The following PRPSAP2 variants were observed in gnomAD, a reference collection of about 807,000 sequenced individuals.
PRPSAP2 encodes the protein phosphoribosyl pyrophosphate synthase-associated protein 2.
Under a neutral mutation model 40.6 loss-of-function variants are expected in PRPSAP2, and 24 were observed. The observed-to-expected ratio is 0.59, with a 90% CI of 0.43 to 0.83. PRPSAP2 has a LOEUF of 0.83. PRPSAP2 is among the 40% of genes least tolerant of loss of function. The pLI is 0.00. For missense variants in PRPSAP2, 292 were observed against 465.6 expected, an observed-to-expected ratio of 0.63 and a Z score of 3.43; for synonymous variants, 149 against 164.7, an observed-to-expected ratio of 0.90 and a Z score of 0.73.
At chr17:18,917,252 T>C (rs935584270) in intron 9 of PRPSAP2, among the ~76,000 whole-genome samples, 2 of 151,982 alleles carry the variant, frequency 1.3e-5, no homozygotes, top group Non-Finnish European at 2.9e-5. Context: ...GGCAGTTTAA[T>C]CACATACATA....
intron 8 of PRPSAP2, among the ~76,000 whole-genome samples, chr17:18,909,897 A>G (rs1691915747): frequency 6.6e-6 from 1 of 152,036 alleles, no homozygotes; most frequent in Non-Finnish European, 1.5e-5. Context: ...CTCAAAAGAA[A>G]AAGAAAGAAA....
chr17:18,873,847 G>A (rs1329688159), intron 5 of PRPSAP2, among the ~76,000 whole-genome samples: 1 of 152,014 alleles, frequency 6.6e-6, no homozygotes, highest in Non-Finnish European at 1.5e-5. Context: ...AATGCAGCAA[G>A]GCTGTCTCTG....
intron 8 of PRPSAP2, among the ~76,000 whole-genome samples, chr17:18,896,727 C>G (rs143577298): frequency 6.0e-4 from 91 of 151,678 alleles, no homozygotes; most frequent in Non-Finnish European, 1.1e-3. Flanking sequence ...TAAGTTTGAT[C>G]ATATTCTCCA....
At chr17:18,893,320 T>C (rs1255815344) in intron 8 of PRPSAP2, among the ~76,000 whole-genome samples, 1 of 152,052 alleles carries the variant, frequency 6.6e-6, no homozygotes, top group Admixed American at 6.6e-5. Context: ...GGCTAATTTT[T>C]TGTATTTTTT....
chr17:18,864,418 A>G (rs1040169707), intron 1 of PRPSAP2, among the ~76,000 whole-genome samples: 7 of 151,616 alleles, frequency 4.6e-5, no homozygotes, highest in African/African-American at 1.7e-4. Flanking sequence ...CTCAGCCTCT[A>G]GAGTAGCTGG....
rs1285641989 is a variant in PRPSAP2, at chr17:18,924,957, T to C, written c.804+973T>C. On this transcript the variant is annotated intron_variant, in intron 10 of 11. Coordinates refer to ENST00000268835, the MANE Select transcript of PRPSAP2 (RefSeq NM_002767.4). ...CAACATGGTGAAACCCCATCTCTAC[T>C]GAAAATACAAAAATTAGCTGGACAT... Among the ~76,000 whole-genome samples the C allele has an allele frequency of 2.6e-5, 4 of 151,502 alleles. No individual in the cohort carries two copies. In the East Asian group the frequency reaches 5.8e-4, roughly 22 times the overall value.
chr17:18,925,227 T>C (rs2041909593), intron 10 of PRPSAP2, among the ~76,000 whole-genome samples: 1 of 152,188 alleles, frequency 6.6e-6, no homozygotes, highest in South Asian at 2.1e-4. Context: ...TTCATGCCTG[T>C]ATATTTTAAA....
intron 8 of PRPSAP2, among the ~76,000 whole-genome samples, chr17:18,894,133 G>A (rs1567711300): frequency 6.6e-6 from 1 of 151,198 alleles, no homozygotes. Flanking sequence ...GATTACAGAC[G>A]TGAGCCACCA....
chr17:18,930,639 C>A lies in PRPSAP2; in HGVS notation c.1051C>A (p.Arg351=), dbSNP rs146759564. 3.2e-5 allele frequency: 51 copies of A among 1,613,844 alleles called. No homozygotes were observed. The African/African-American group carries it at 6.4e-4, about 20-fold the overall frequency. ...ISMILSEAIR[R]IHNGESMSYL... is the part of the protein sequence containing the mutation. ...CATGATCCTTTCAGAGGCGATCCGT[C>A]GGATCCACAATGGGGAGTCCATGTC... Residue 351 remains arginine (R), a synonymous_variant, in exon 12 of 12, where the codon CGG becomes AGG. Transcript: ENST00000268835.
chr17:18,911,588 T>C lies in PRPSAP2; in HGVS notation c.733+337T>C, dbSNP rs1009834219. ...GCTTTTTATATACAAAGTTATTGAC[T>C]GTGATGTTGTTTTTAATGCAAAATA... On this transcript the variant is annotated intron_variant, in intron 9 of 11. Coordinates refer to ENST00000268835, the MANE Select transcript of PRPSAP2 (RefSeq NM_002767.4). The surrounding 1 kb of genome is among the most constrained non-coding windows in gnomAD (Gnocchi z 4.5). Among the ~76,000 whole-genome samples, 34 of 131,834 alleles carry C rather than the reference T, an allele frequency of 2.6e-4. No individual in the cohort carries two copies. The highest frequency in any genetic ancestry group is 8.8e-4 in the African/African-American group (33 of 37,680). The allele number at this position is 131,834 out of a possible 152,430, so 86.5% of individuals were successfully genotyped here. A position where few individuals can be genotyped will look rare whatever the true frequency, so the allele number is the denominator to read the frequency against.
At chr17:18,860,471 G>T (rs2036924761) in intron 1 of PRPSAP2, 1 of 152,206 alleles carries the variant, frequency 6.6e-6, no homozygotes, top group African/African-American at 2.4e-5. Flanking sequence ...CTACCGTGTG[G>T]CAGCTGCACA....
intron 6 of PRPSAP2, 61 bp downstream of exon 6, chr17:18,877,931 CTCTTTTT>C (rs2038420883): frequency 6.7e-7 from 1 of 1,486,794 alleles, no homozygotes; most frequent in Admixed American, 2.0e-5. Flanking sequence ...TATTTATTCT[CTCTTTTT>C]TAAGACAGGG....
chr17:18,898,907 GTT>G (rs1251591302), intron 8 of PRPSAP2, among the ~76,000 whole-genome samples: 2 of 151,976 alleles, frequency 1.3e-5, no homozygotes, highest in East Asian at 3.9e-4. Flanking sequence ...TTGTTTGTTT[GTT>G]TGTTTGTTTG....
upstream of PRPSAP2, chr17:18,856,406 A>T (rs371246409): frequency 1.3e-4 from 20 of 152,272 alleles, 1 homozygote; most frequent in East Asian, 3.9e-3. Context: ...CAGCCGAGGT[A>T]CCGCTGAAGA....
At chr17:18,859,410 G>C (rs1448668846) in intron 1 of PRPSAP2, 2 of 152,214 alleles carry the variant, frequency 1.3e-5, no homozygotes, top group African/African-American at 4.8e-5. Flanking sequence ...TGTTGCATAG[G>C]ACTAACTACT....
chr17:18,878,187 AT>A (rs551448001), intron 6 of PRPSAP2, among the ~76,000 whole-genome samples: 127 of 152,246 alleles, frequency 8.3e-4, no homozygotes, highest in African/African-American at 2.9e-3. Flanking sequence ...GGGTGCTGAG[AT>A]TATAGTCATG....
chr17:18,898,882 C>T (rs1192740866), intron 8 of PRPSAP2, among the ~76,000 whole-genome samples: 1 of 74,890 alleles, frequency 1.3e-5, no homozygotes, highest in Non-Finnish European at 2.9e-5. Flanking sequence ...ACATAAATGT[C>T]AGGTGTTTGT....
At chr17:18,899,527 T>TTTG (rs2040136875) in intron 8 of PRPSAP2, among the ~76,000 whole-genome samples, 1 of 138,090 alleles carries the variant, frequency 7.2e-6, no homozygotes, top group South Asian at 2.6e-4. Flanking sequence ...GAGTTTTTTT[T>TTTG]TTTTTTTTTT....
At chr17:18,881,596 G>T (rs2038746999) in intron 6 of PRPSAP2, among the ~76,000 whole-genome samples, 1 of 151,568 alleles carries the variant, frequency 6.6e-6, no homozygotes. Context: ...GAATGCAGTG[G>T]CTCAATCTCA....
Sources: gnomAD v4.1 joint callset for allele counts (sites outside exome capture counted in the v4.1 genomes callset) on GRCh38, gnomAD v4.1.1 for gene constraint, Gnocchi (gnomAD v3.1) non-coding constraint, MANE v1.5 for transcripts, NCBI Gene and HGNC (gene_info 2026-07-23, HGNC 2026-07-21) for gene names.